IQCM: variants seen among roughly 807,000 people sequenced by gnomAD.
IQCM encodes IQ domain-containing protein M.
IQCM carries 45 observed loss-of-function variants against 57.6 expected under a neutral mutation model. The ratio of observed to expected loss-of-function variants is 0.78; its 90% CI spans 0.62 to 1.00. IQCM has a LOEUF of 1.00. Ranked by LOEUF, IQCM falls within the 50% of genes least tolerant of loss-of-function variation. The probability of loss-of-function intolerance (pLI) is 0.00; values close to 1 mark genes in which losing one functional copy is unlikely to be tolerated. For synonymous variants in IQCM, 148 were observed against 158.9 expected (o/e 0.93, Z 0.51); for missense variants, 468 against 511.6 (o/e 0.91, Z 0.82).
intron 5 of IQCM, among the ~76,000 whole-genome samples, chr4:149,719,396 C>T (rs1405362517): frequency 6.6e-6 from 1 of 151,328 alleles, no homozygotes; most frequent in Non-Finnish European, 1.5e-5. Context: ...ATTAGACCTC[C>T]AGTGACTACC....
intron 12 of IQCM, among the ~76,000 whole-genome samples, chr4:149,465,512 G>T (rs1738761738): frequency 6.6e-6 from 1 of 152,148 alleles, no homozygotes; most frequent in African/African-American, 2.4e-5. Context: ...CTTGCTGAGA[G>T]ATATATACTG....
intron 9 of IQCM, among the ~76,000 whole-genome samples, chr4:149,576,926 C>T (rs948562282): frequency 6.6e-6 from 1 of 151,920 alleles, no homozygotes; most frequent in Non-Finnish European, 1.5e-5. Flanking sequence ...TAATAGTACC[C>T]ATTCTTACTG....
chr4:149,663,630 T>TC, intron 7 of IQCM, among the ~76,000 whole-genome samples: 1 of 146,542 alleles, frequency 6.8e-6, no homozygotes, highest in Admixed American at 7.2e-5. Flanking sequence ...CAGTTGGTTT[T>TC]CTTTTTTTTA....
intron 13 of IQCM, among the ~76,000 whole-genome samples, chr4:149,417,640 TA>T (rs2111201540): frequency 6.6e-6 from 1 of 152,232 alleles, no homozygotes; most frequent in Non-Finnish European, 1.5e-5. Context: ...TAAAACCAGC[TA>T]GATTCAAGGT....
At chr4:149,512,702 T>C (rs1744552244) in intron 12 of IQCM, among the ~76,000 whole-genome samples, 1 of 152,180 alleles carries the variant, frequency 6.6e-6, no homozygotes, top group Admixed American at 6.6e-5. Context: ...TTCTAAAATA[T>C]TGAGTAATTC....
intron 2 of IQCM, among the ~76,000 whole-genome samples, chr4:149,747,191 T>C (rs998824859): frequency 6.6e-6 from 1 of 152,058 alleles, no homozygotes; most frequent in Non-Finnish European, 1.5e-5. Flanking sequence ...GGAGAGCAGG[T>C]AAAGAAAACC....
chr4:149,616,572 T>C (rs1755808125), intron 8 of IQCM, among the ~76,000 whole-genome samples: 1 of 152,090 alleles, frequency 6.6e-6, no homozygotes, highest in African/African-American at 2.4e-5. Context: ...TTAAAAATGG[T>C]TAAAATGGTA....
chr4:149,681,544 GCCTTGAGAAC>G (rs1425656341), intron 7 of IQCM, among the ~76,000 whole-genome samples: 1 of 151,088 alleles, frequency 6.6e-6, no homozygotes, highest in African/African-American at 2.4e-5. Context: ...ATGCAAAAGT[GCCTTGAGAAC>G]CCAAGGAAGA....
chr4:149,734,691 C>G (rs1766771822), intron 4 of IQCM, among the ~76,000 whole-genome samples: 1 of 152,090 alleles, frequency 6.6e-6, no homozygotes. Context: ...TTCCCAAAGG[C>G]CCAACGGTCA....
chr4:149,555,586 T>C (rs1385016596), intron 10 of IQCM, among the ~76,000 whole-genome samples: 1 of 152,384 alleles, frequency 6.6e-6, no homozygotes, highest in East Asian at 1.9e-4. Flanking sequence ...GCTGGATTAC[T>C]GGGAGCTACC....
At chr4:149,625,849 C>T (rs959507955) in intron 7 of IQCM, among the ~76,000 whole-genome samples, 2 of 152,040 alleles carry the variant, frequency 1.3e-5, no homozygotes, top group African/African-American at 4.8e-5. Context: ...TTTGGGGTAT[C>T]GTGTTCTGAG....
intron 11 of IQCM, among the ~76,000 whole-genome samples, chr4:149,549,647 G>A (rs1748833530): frequency 6.6e-6 from 1 of 152,164 alleles, no homozygotes; most frequent in Admixed American, 6.5e-5. Flanking sequence ...CCCATGAATT[G>A]TATAATTGTA....
At chr4:149,756,203 C>G (rs1179242918) in intron 2 of IQCM, among the ~76,000 whole-genome samples, 1 of 152,080 alleles carries the variant, frequency 6.6e-6, no homozygotes, top group African/African-American at 2.4e-5. Context: ...GATGTATACC[C>G]CCCGCCGTGC....
chr4:149,599,567 T>C (rs978922242), intron 8 of IQCM, among the ~76,000 whole-genome samples: 14 of 152,142 alleles, frequency 9.2e-5, no homozygotes, highest in African/African-American at 3.4e-4. Flanking sequence ...GGTATACATA[T>C]ATATACTCTT....
intron 12 of IQCM, among the ~76,000 whole-genome samples, chr4:149,459,671 T>C (rs1271758796): frequency 6.6e-6 from 1 of 152,190 alleles, no homozygotes; most frequent in Non-Finnish European, 1.5e-5. Context: ...TTTTGACCGT[T>C]CTAAGTTCCT....
At chr4:149,449,743 G>A (rs943464608) in intron 12 of IQCM, among the ~76,000 whole-genome samples, 3 of 151,664 alleles carry the variant, frequency 2.0e-5, no homozygotes, top group Non-Finnish European at 2.9e-5. Context: ...CATGTTCATG[G>A]ATTGAAAGAA....
chr4:149,437,608 A>G (rs989058467), intron 12 of IQCM, among the ~76,000 whole-genome samples: 3 of 152,022 alleles, frequency 2.0e-5, no homozygotes, highest in Admixed American at 2.0e-4. Flanking sequence ...TGTGTTATTG[A>G]GAGCTTGGTG....
At chr4:149,606,417 G>A (rs1030446666) in intron 8 of IQCM, among the ~76,000 whole-genome samples, 15 of 152,114 alleles carry the variant, frequency 9.9e-5, no homozygotes, top group African/African-American at 3.6e-4. Flanking sequence ...TAAACTACTA[G>A]AAGGCCCTCT....
At chr4:149,362,936 A>G (rs1373459797) in intron 13 of IQCM, among the ~76,000 whole-genome samples, 2 of 152,172 alleles carry the variant, frequency 1.3e-5, no homozygotes, top group African/African-American at 4.8e-5. Context: ...CAGTTGGTAG[A>G]GTTGGATGAT....
Sources: allele counts gnomAD v4.1 joint callset (sites outside exome capture counted in the v4.1 genomes callset), GRCh38; gene constraint gnomAD v4.1.1; transcripts MANE v1.5; gene names NCBI Gene and HGNC (gene_info 2026-07-23, HGNC 2026-07-21).